The following MARS1 variants were observed in gnomAD, a reference collection of about 807,000 sequenced individuals.
The protein encoded by MARS1 is methionine--tRNA ligase, cytoplasmic.
A neutral mutation model predicts 119.5 loss-of-function variants in MARS1; 80 were observed. The ratio of observed to expected loss-of-function variants is 0.67; its 90% CI spans 0.56 to 0.81. MARS1 has a LOEUF of 0.81. Ranked by LOEUF, MARS1 falls within the 30% of genes least tolerant of loss-of-function variation. The pLI is 0.00. For missense variants in MARS1, 945 were observed against 1,116.5 expected (o/e 0.85, Z 2.19); for synonymous variants, 418 against 433.4 (o/e 0.96, Z 0.44).
intron 11 of MARS1, among the ~76,000 whole-genome samples, chr12:57,505,909 T>C (rs1877158793): frequency 6.6e-6 from 1 of 151,470 alleles, no homozygotes; most frequent in Non-Finnish European, 1.5e-5. Context: ...AGCCTAGGGG[T>C]TTGAGACCAG....
At chr12:57,506,766 TC>T (rs36019863) in intron 11 of MARS1, among the ~76,000 whole-genome samples, 27,463 of 151,752 alleles carry the variant, frequency 0.18, 2,738 homozygotes, top group East Asian at 0.29. Flanking sequence ...AACCTCCACC[TC>T]CCAGGTTCAA....
At chr12:57,493,661 T>TAATATACAA (rs1876279516) in intron 7 of MARS1, among the ~76,000 whole-genome samples, 1 of 12,198 alleles carries the variant, frequency 8.2e-5, no homozygotes, top group African/African-American at 1.1e-3. Context: ...ACAATATATA[T>TAATATACAA]TATATATTAT....
At chr12:57,499,461 A>C (rs868294769) in intron 9 of MARS1, among the ~76,000 whole-genome samples, 2 of 148,004 alleles carry the variant, frequency 1.4e-5, no homozygotes, top group Non-Finnish European at 1.5e-5. Context: ...AAAATTAACC[A>C]GGCGTGGTGG....
At chr12:57,499,284 CA>C (rs35924774) in intron 9 of MARS1, among the ~76,000 whole-genome samples, 529 of 37,906 alleles carry the variant, frequency 0.014, 3 homozygotes, top group Middle Eastern at 0.045. Flanking sequence ...AACTCTGTCT[CA>C]AAAAAAAAAA....
chr12:57,513,590 T>C (rs1268685276), intron 15 of MARS1, among the ~76,000 whole-genome samples: 4 of 136,608 alleles, frequency 2.9e-5, no homozygotes, highest in African/African-American at 1.1e-4. Flanking sequence ...ACTCCAGCCT[T>C]GGCAAAAGAG....
chr12:57,496,688 G>A (rs1195673067), intron 7 of MARS1, among the ~76,000 whole-genome samples: 1 of 151,634 alleles, frequency 6.6e-6, no homozygotes, highest in African/African-American at 2.4e-5. Flanking sequence ...GAGATGGAAG[G>A]ATCATTTTGA....
rs35786533 is a variant in MARS1 at position 57,506,850 on chromosome 12, C to CT, written c.1368+2570dup. On this transcript the variant is annotated intron_variant, in intron 11 of 20. Coordinates refer to ENST00000262027, the MANE Select transcript of MARS1 (RefSeq NM_004990.4). The stretch of plus-strand genomic sequence containing the variant: ...ACCACCATGCCTGGCTAATTTTTGT[C>CT]TTTTTTTTTTTTTTTTTTTAATTGA... Among the ~76,000 whole-genome samples, 762 of 128,108 alleles carry CT rather than the reference C, an allele frequency of 5.9e-3. 5 individuals are homozygous for CT. The highest frequency in any genetic ancestry group is 0.02 in the Middle Eastern group (5 of 250). The allele number at this position is 128,108 out of a possible 152,430, so 84.0% of individuals were successfully genotyped here.
intron 7 of MARS1, among the ~76,000 whole-genome samples, chr12:57,492,295 T>C (rs896247141): frequency 6.6e-5 from 9 of 137,252 alleles, no homozygotes; most frequent in Non-Finnish European, 1.1e-4. Context: ...AAAAAAAAAG[T>C]CCAATGAAGG....
intron 7 of MARS1, among the ~76,000 whole-genome samples, chr12:57,491,553 G>C (rs1244109123): frequency 6.6e-6 from 1 of 152,108 alleles, no homozygotes; most frequent in Non-Finnish European, 1.5e-5. Flanking sequence ...TCACTACACA[G>C]ATACTAACAG....
Position 57,498,567 on chromosome 12 carries a change from C to T in MARS1, c.1035C>T (p.Arg345=). The T allele has an allele frequency of 6.2e-7, 1 of 1,614,214 alleles. No individual in the cohort carries two copies. Among genetic ancestry groups the T allele is most frequent in the East Asian group, 2.2e-5 (1 of 44,892 alleles). ...KYHIIHADIY[R]WFNISFDIFG... ...ACATCATCCATGCTGACATCTACCG[C>T]TGGTTTAACATTTCGTTTGATATTT... is the stretch of plus-strand genomic sequence containing the variant. Residue 345 remains arginine, a synonymous_variant, in exon 9 of 21, where the codon CGC becomes CGT. Transcript: ENST00000262027.
At chr12:57,509,279 C>T (rs931964872) in intron 11 of MARS1, among the ~76,000 whole-genome samples, 6 of 152,164 alleles carry the variant, frequency 3.9e-5, no homozygotes, top group South Asian at 2.1e-4. Context: ...AACCATGTCA[C>T]CAACCTTGAG....
chr12:57,513,614 CAAAA>C (rs34526594), intron 15 of MARS1, among the ~76,000 whole-genome samples: 10 of 74,416 alleles, frequency 1.3e-4, no homozygotes, highest in Admixed American at 1.6e-4. Flanking sequence ...GATCCTGTCT[CAAAA>C]AAAAAAAAAA....
At chr12:57,502,370 G>T (rs1352381615) in intron 10 of MARS1, among the ~76,000 whole-genome samples, 1 of 152,032 alleles carries the variant, frequency 6.6e-6, no homozygotes, top group Non-Finnish European at 1.5e-5. Flanking sequence ...CAGGAGAGAG[G>T]TCCTGAGGAA....
At position 57,500,392 on chromosome 12, in the gene MARS1, G is replaced by A. The variant is rs1005398256; in HGVS notation, c.1163G>A (p.Arg388Gln). The A allele has an allele frequency of 5.0e-6, 8 of 1,614,066 alleles. No homozygotes were observed. The highest frequency in any genetic ancestry group is 2.7e-5 in the African/African-American group (2 of 74,938). The change falls in exon 10 of 21, where the codon CGA becomes CAA. Residue 388 changes from arginine (R) to glutamine (Q), a missense_variant. By Grantham distance (43) the Arg-to-Gln change is conservative. Coordinates refer to ENST00000262027, the MANE Select transcript of MARS1 (RefSeq NM_004990.4). ...CTGCAAGATACTGTGGAGCAACTGC[G>A]ATGTGAGCACTGTGCTCGCTTCCTG... Reference protein sequence around the residue: ...FVLQDTVEQLRCEHCARFLAD... With the variant: ...FVLQDTVEQLQCEHCARFLAD...
rs183931584 is a variant in MARS1, at chr12:57,515,081, C to T, written c.2204+23C>T. The T allele has an allele frequency of 3.1e-4, 502 of 1,613,996 alleles. 2 individuals carry two copies. In the East Asian group the frequency reaches 8.1e-3, roughly 26 times the overall value. ...CAGGTAGGTAAGCGGGGAGGGTTGGCTAAAGGCATAAAGTGGCTTGTAAGC... is the reference window on the plus strand; with the variant it reads ...CAGGTAGGTAAGCGGGGAGGGTTGGTTAAAGGCATAAAGTGGCTTGTAAGC... On this transcript the variant is annotated intron_variant, in intron 17 of 20. Transcript: ENST00000262027.
rs760924937 is a variant in MARS1, at chr12:57,516,616, T to C, written c.*35T>C. ...GCTCATAGAAAGTCACTTTAATAGA[T>C]AGGGACAGTAATAAATAAATGTACA... On this transcript the variant is annotated 3_prime_UTR_variant, in exon 21 of 21. Coordinates refer to ENST00000262027, the MANE Select transcript of MARS1 (RefSeq NM_004990.4). 19 of 1,545,996 alleles carry C rather than the reference T, an allele frequency of 1.2e-5. No homozygotes were observed. The highest frequency in any genetic ancestry group is 6.6e-5 in the Admixed American group (3 of 45,514).
chr12:57,507,059 G>C (rs1325829292), intron 11 of MARS1, among the ~76,000 whole-genome samples: 7 of 149,462 alleles, frequency 4.7e-5, no homozygotes, highest in Admixed American at 1.3e-4. Context: ...GACTCTTAAC[G>C]AGCATGCTGC....
intron 7 of MARS1, among the ~76,000 whole-genome samples, chr12:57,493,502 A>AT (rs1876189799): frequency 3.6e-4 from 2 of 5,542 alleles, no homozygotes; most frequent in African/African-American, 1.5e-3. Flanking sequence ...ATATTATAAT[A>AT]TATAATATAT....
intron 7 of MARS1, among the ~76,000 whole-genome samples, chr12:57,493,263 G>T (rs1430013556): frequency 5.6e-5 from 7 of 124,174 alleles, no homozygotes; most frequent in Middle Eastern, 3.8e-3. Flanking sequence ...ATTTATGAAA[G>T]TCCATCCTTG....
Sources: gnomAD v4.1 joint callset for allele counts (sites outside exome capture counted in the v4.1 genomes callset) on GRCh38, gnomAD v4.1.1 for gene constraint, MANE v1.5 for transcripts, NCBI Gene and HGNC (gene_info 2026-07-23, HGNC 2026-07-21) for gene names.